Variants in GOSR2 observed in about 807,000 individuals in gnomAD.
GOSR2 encodes 27 kDa Golgi SNARE protein.
A neutral mutation model predicts 27.9 loss-of-function variants in GOSR2; 20 were observed. That is an observed-to-expected ratio of 0.72 (90% CI 0.50 to 1.04). GOSR2 has a LOEUF of 1.04. Among genes scored for constraint, GOSR2 ranks in the 50% least tolerant of loss-of-function variants. GOSR2 has a pLI of 0.00. For synonymous variants in GOSR2, 91 were observed against 98.8 expected (o/e 0.92, Z 0.47); for missense variants, 261 against 270.5 (o/e 0.97, Z 0.25).
intron 1 of GOSR2, 143 bp downstream of exon 1, chr17:46,923,364 C>T: frequency 6.7e-7 from 1 of 1,485,528 alleles, no homozygotes; most frequent in East Asian, 2.5e-5. Flanking sequence ...CTCCGAAGTG[C>T]TTAATCCTTG....
downstream of GOSR2, chr17:46,942,074 C>T (rs1389980568): frequency 2.4e-6 from 1 of 421,018 alleles, no homozygotes; most frequent in African/African-American, 2.1e-5. Flanking sequence ...GAAACAGATA[C>T]AAAGAAGTGA....
At chr17:46,947,255 C>T (rs552104103) in intron 6 of GOSR2, among the ~76,000 whole-genome samples, 1 of 152,274 alleles carries the variant, frequency 6.6e-6, no homozygotes, top group African/African-American at 2.4e-5. Context: ...AGCAGGGCAG[C>T]CTCCTCTTTG....
downstream of GOSR2, among the ~76,000 whole-genome samples, chr17:46,969,988 G>C (rs2091374758): frequency 6.6e-6 from 1 of 152,142 alleles, no homozygotes; most frequent in South Asian, 2.1e-4. Context: ...GCAGACACCG[G>C]GGGTCAAATC....
Position 46,940,537 on chromosome 17 carries a change from GGCTGTCCTGTCCC to G in GOSR2, c.*1778_*1790del, listed in dbSNP as rs2089127025. The G allele has an allele frequency of 1.2e-6, 2 of 1,614,020 alleles. No homozygotes were observed. The highest frequency in any genetic ancestry group is 1.7e-6 in the Non-Finnish European group (2 of 1,180,014). On this transcript the variant is annotated 3_prime_UTR_variant, in exon 6 of 6. Coordinates refer to ENST00000640051, the MANE Select transcript of GOSR2 (RefSeq NM_004287.5). ...ATGGATTCTGAGACTGCGACGGCAA[GGCTGTCCTGTCCC>G]CCAGGCACCCAAGGATCCTGCCAGA...
At chr17:46,956,184 T>C (rs918420971) in intron 6 of GOSR2, among the ~76,000 whole-genome samples, 44 of 152,128 alleles carry the variant, frequency 2.9e-4, no homozygotes, top group African/African-American at 1.0e-3. Flanking sequence ...GAATCTGTTA[T>C]TCAACAACAC....
chr17:46,951,814 C>T (rs1288911185), intron 6 of GOSR2, among the ~76,000 whole-genome samples: 1 of 152,198 alleles, frequency 6.6e-6, no homozygotes, highest in Non-Finnish European at 1.5e-5. Flanking sequence ...AGGGCCCTCT[C>T]TTCCCCCACT....
intron 6 of GOSR2, among the ~76,000 whole-genome samples, chr17:46,963,057 C>A (rs2091154778): frequency 6.6e-6 from 1 of 152,210 alleles, no homozygotes; most frequent in South Asian, 2.1e-4. Context: ...TCAAGGAAGT[C>A]TTGATAAGGG....
At chr17:46,955,967 A>G (rs897450753) in intron 6 of GOSR2, among the ~76,000 whole-genome samples, 1 of 152,194 alleles carries the variant, frequency 6.6e-6, no homozygotes, top group African/African-American at 2.4e-5. Flanking sequence ...TGGGATCCAG[A>G]TGCTGTCTCT....
intron 6 of GOSR2, among the ~76,000 whole-genome samples, chr17:46,959,575 C>G (rs377748064): frequency 6.6e-6 from 1 of 152,182 alleles, no homozygotes; most frequent in Non-Finnish European, 1.5e-5. Flanking sequence ...GAGCTTATTA[C>G]TATTATAAAT....
At chr17:46,934,826 CAG>C (rs1378632685) in intron 4 of GOSR2, among the ~76,000 whole-genome samples, 1 of 152,196 alleles carries the variant, frequency 6.6e-6, no homozygotes, top group Admixed American at 6.5e-5. Flanking sequence ...TGGAGAGTGA[CAG>C]ATCTGAGGAA....
At chr17:46,947,574 TGGG>T (rs1323430529) in intron 6 of GOSR2, among the ~76,000 whole-genome samples, 1 of 152,110 alleles carries the variant, frequency 6.6e-6, no homozygotes, top group Non-Finnish European at 1.5e-5. Flanking sequence ...TGTAATGTGA[TGGG>T]GGTGGTGGGA....
rs543272270 is a variant in GOSR2, at chr17:46,961,644, G to A, written c.584-4890G>A. 4.6e-5 allele frequency among the ~76,000 whole-genome samples: 7 copies of A among 152,028 alleles called. No homozygotes were observed. The South Asian group carries it at 6.2e-4, about 14-fold the overall frequency. ...CACAATAAATGAAAAGATGAAATAC[G>A]TCTGTAAAAAGATTATATTTTTTAA... On this transcript the variant is annotated intron_variant, in intron 6 of 6. Transcript: ENST00000573224.
chr17:46,971,169 C>A (rs1167616296), downstream of GOSR2, among the ~76,000 whole-genome samples: 4 of 152,208 alleles, frequency 2.6e-5, no homozygotes, highest in East Asian at 5.8e-4. Context: ...GAAAACCCAT[C>A]TCTACTAACA....
chr17:46,938,478 G>A lies in GOSR2; in HGVS notation c.478-121G>A, dbSNP rs893208222. The A allele has an allele frequency of 2.9e-5, 43 of 1,484,638 alleles. No homozygotes were observed. In the Admixed American group the frequency reaches 7.1e-4, roughly 24 times the overall value. 92.0% of individuals were successfully genotyped at this position (1,484,638 alleles called of 1,614,324 possible). On this transcript the variant is annotated intron_variant, in intron 5 of 5. Transcript: ENST00000640051. ...CTATTTCTGGCTGATATTGCTTTCTGTGTATTCTGGGCATGACCAAGAGAA... is the reference window on the plus strand; with the variant it reads ...CTATTTCTGGCTGATATTGCTTTCTATGTATTCTGGGCATGACCAAGAGAA...
chr17:46,965,696 C>T (rs942336487), intron 6 of GOSR2, among the ~76,000 whole-genome samples: 3 of 152,100 alleles, frequency 2.0e-5, no homozygotes, highest in South Asian at 2.1e-4. Context: ...GATCACGGCA[C>T]GCTGCAGCCT....
intron 2 of GOSR2, chr17:46,930,476 G>C (rs937026307): frequency 1.3e-5 from 2 of 152,310 alleles, no homozygotes; most frequent in Non-Finnish European, 2.9e-5. Flanking sequence ...CGTATTTATC[G>C]TATCTCTTTA....
At chr17:46,958,740 C>G (rs369029043) in intron 6 of GOSR2, among the ~76,000 whole-genome samples, 1 of 152,192 alleles carries the variant, frequency 6.6e-6, no homozygotes, top group Admixed American at 6.5e-5. Flanking sequence ...AGCCAACTTC[C>G]GGCGAAGTCA....
intron 6 of GOSR2, among the ~76,000 whole-genome samples, chr17:46,974,802 C>T (rs1169808853): frequency 2.6e-5 from 4 of 151,866 alleles, no homozygotes; most frequent in Non-Finnish European, 5.9e-5. Context: ...TTTCTAGCTG[C>T]GCTACCTCAG....
chr17:46,960,491 C>T (rs61671555), intron 6 of GOSR2, among the ~76,000 whole-genome samples: 61,159 of 152,114 alleles, frequency 0.4, 12,531 homozygotes, highest in South Asian at 0.48. Flanking sequence ...ACCCAGCAAT[C>T]TCATTTCTAG....
Sources: allele counts gnomAD v4.1 joint callset (sites outside exome capture counted in the v4.1 genomes callset), GRCh38; gene constraint gnomAD v4.1.1; transcripts MANE v1.5; gene names NCBI Gene and HGNC (gene_info 2026-07-23, HGNC 2026-07-21).